SALL2: variants seen among roughly 807,000 people sequenced by gnomAD.
The protein encoded by SALL2 is spalt like transcription factor 2.
SALL2 carries 32 observed loss-of-function variants against 58.5 expected under a neutral mutation model. That is an observed-to-expected ratio of 0.55 (90% confidence interval 0.41 to 0.74). The LOEUF is 0.74. Ranked by LOEUF, SALL2 falls within the 30% of genes least tolerant of loss-of-function variation. The pLI is 0.00. For synonymous variants in SALL2, 516 were observed against 513.6 expected, an observed-to-expected ratio of 1.00 and a Z score of -0.06; for missense variants, 1,201 against 1,268.9, an observed-to-expected ratio of 0.95 and a Z score of 0.81.
At chr14:21,534,359 T>C (rs752297111) in intron 1 of SALL2, among the ~76,000 whole-genome samples, 1 of 152,170 alleles carries the variant, frequency 6.6e-6, no homozygotes, top group Non-Finnish European at 1.5e-5. Context: ...ACTGCTTCCT[T>C]GCTCCTTACA....
rs199504697 is a variant in SALL2 at position 21,525,683 on chromosome 14, G to A, written c.68-29C>T. On this transcript the variant is annotated intron_variant, in intron 1 of 1. Transcript: ENST00000537235. This position sits in a 1 kb window ranked among gnomAD's most constrained non-coding sequence, Gnocchi z 4.4. ...GGGAGAAGACAAGGAGAGAGAGCGT[G>A]GGTGGCGCAGTTGGGTTGGGTATAC... 1.9e-6 allele frequency: 3 copies of A among 1,539,936 alleles called. No homozygotes were observed. Among genetic ancestry groups the A allele is most frequent in the African/African-American group, 2.7e-5 (2 of 72,858 alleles).
chr14:21,521,917 C>A lies in SALL2; in HGVS notation c.*787G>T. On this transcript the variant is annotated 3_prime_UTR_variant, in exon 2 of 2. Coordinates refer to ENST00000537235, the MANE Select transcript of SALL2 (RefSeq NM_001364564.1). ...TCCTATGCCCTTCCTTCATTTCTCC[C>A]TACTTCCTAGGGTTGGGTCACCAAT... is the stretch of plus-strand genomic sequence containing the variant. 3.5e-6 allele frequency: 5 copies of A among 1,431,488 alleles called. No individual in the cohort carries two copies. Among genetic ancestry groups the A allele is most frequent in the Non-Finnish European group, 4.6e-6 (5 of 1,081,024 alleles). The allele number at this position is 1,431,488 out of a possible 1,614,324, so 88.7% of individuals were successfully genotyped here.
chr14:21,531,769 G>A (rs755721182), intron 1 of SALL2, among the ~76,000 whole-genome samples: 14 of 64,666 alleles, frequency 2.2e-4, no homozygotes, highest in Non-Finnish European at 3.7e-4. Flanking sequence ...TGCAATGGTC[G>A]CCCAGGCTGG....
chr14:21,526,575 A>C (rs1892322628), upstream of SALL2: 1 of 953,578 alleles, frequency 1.0e-6, no homozygotes, highest in Non-Finnish European at 1.3e-6. Context: ...GCCCAGGCCT[A>C]CCCTCCTCCC....
chr14:21,525,929 C>T lies in SALL2; in HGVS notation c.67+132G>A. On this transcript the variant is annotated intron_variant, in intron 1 of 1. Transcript: ENST00000537235. This position sits in a 1 kb window ranked among gnomAD's most constrained non-coding sequence, Gnocchi z 4.4. ...CCCTTCCCCAGGCCACAAGCGAGTT[C>T]ACGGAATAGGTGTGGGGACAGGGGC... 1 of 951,242 alleles carries T rather than the reference C, an allele frequency of 1.1e-6. No individual in the cohort carries two copies. Among genetic ancestry groups the T allele is most frequent in the Non-Finnish European group, 1.6e-6 (1 of 626,316 alleles). The allele number at this position is 951,242 out of a possible 1,614,324, so 58.9% of individuals were successfully genotyped here. A position where few individuals can be genotyped will look rare whatever the true frequency, so the allele number is the denominator to read the frequency against.
chr14:21,528,052 G>A (rs1397033325), upstream of SALL2, among the ~76,000 whole-genome samples: 1 of 151,764 alleles, frequency 6.6e-6, no homozygotes, highest in African/African-American at 2.4e-5. Context: ...CCAGGAGAAT[G>A]GCTTGAACCC....
upstream of SALL2, among the ~76,000 whole-genome samples, chr14:21,527,291 G>A (rs1288673656): frequency 2.6e-5 from 4 of 152,188 alleles, no homozygotes; most frequent in Non-Finnish European, 5.9e-5. Context: ...TGATTTGAAT[G>A]CTTAGAAATA....
chr14:21,523,086 G>T lies in SALL2; in HGVS notation c.2636C>A (p.Pro879Gln). Residue 879 changes from proline to glutamine, a missense_variant, in exon 2 of 2, where the codon CCA becomes CAA. By Grantham distance (76) the Pro-to-Gln change is moderately conservative. This residue lies in a region of SALL2 where 675 missense variants were observed against 683.8 expected (regional missense o/e 0.99). Transcript: ENST00000537235. The surrounding 1 kb of genome is among the most constrained non-coding windows in gnomAD (Gnocchi z 4.4). ...RSSSPASALT[P>Q]EGEATSVTLV... Reference sequence around the variant, plus strand: ...GGTCACGCTGGTGGCTTCCCCTTCTGGGGTGAGTGCTGATGCCGGACTTGA... The same window carrying T: ...GGTCACGCTGGTGGCTTCCCCTTCTTGGGTGAGTGCTGATGCCGGACTTGA... 6.2e-7 allele frequency: 1 copy of T among 1,614,114 alleles called. No individual in the cohort carries two copies. The highest frequency in any genetic ancestry group is 8.5e-7 in the Non-Finnish European group (1 of 1,180,014).
intron 1 of SALL2, chr14:21,536,700 T>C (rs1259101785): frequency 1.6e-6 from 1 of 615,316 alleles, no homozygotes; most frequent in Non-Finnish European, 2.9e-6. Context: ...AGGTCATCTC[T>C]TACTCCCTGC....
Position 21,524,069 on chromosome 14 carries a change from C to A in SALL2, c.1653G>T (p.Leu551Phe), listed in dbSNP as rs1566509115. Reference protein sequence around the residue: ...STATRMQLSKLVTSLPSWALL... With the variant: ...STATRMQLSKFVTSLPSWALL... Reference sequence around the variant, plus strand: ...GTGCCCAGCTTGGTAGTGAAGTCACCAACTTACTTAGTTGCATGCGAGTTG... The same window carrying A: ...GTGCCCAGCTTGGTAGTGAAGTCACAAACTTACTTAGTTGCATGCGAGTTG... The change falls in exon 2 of 2, where the codon TTG becomes TTT. Residue 551 changes from leucine to phenylalanine, a missense_variant. Around this residue, in one of 3 missense-constraint regions of SALL2, gnomAD observed 675 missense variants for 683.8 expected, o/e 0.99. Coordinates refer to ENST00000537235, the MANE Select transcript of SALL2 (RefSeq NM_001364564.1). The A allele has an allele frequency of 6.2e-7, 1 of 1,614,138 alleles. No individual in the cohort carries two copies. The highest frequency in any genetic ancestry group is 8.5e-7 in the Non-Finnish European group (1 of 1,179,990).
chr14:21,523,121 C>A lies in SALL2; in HGVS notation c.2601G>T (p.Pro867=). 6.2e-7 allele frequency: 1 copy of A among 1,614,194 alleles called. No homozygotes were observed. The highest frequency in any genetic ancestry group is 8.5e-7 in the Non-Finnish European group (1 of 1,180,018). The change falls in exon 2 of 2, where the codon CCG becomes CCT. Residue 867 remains proline (P), a synonymous_variant. Coordinates refer to ENST00000537235, the MANE Select transcript of SALL2 (RefSeq NM_001364564.1). This position sits in a 1 kb window ranked among gnomAD's most constrained non-coding sequence, Gnocchi z 4.4. Reference sequence around the variant, plus strand: ...CTGATGCCGGACTTGAGCTTCTCTCCGGTTTGCCCCCCTCTTCCTTGCCTC... The same window carrying A: ...CTGATGCCGGACTTGAGCTTCTCTCAGGTTTGCCCCCCTCTTCCTTGCCTC... ...VLGGKEEGGK[P]ERSSSPASAL... is the part of the protein sequence containing the mutation.
intron 1 of SALL2, among the ~76,000 whole-genome samples, chr14:21,533,356 A>G (rs1167885023): frequency 2.6e-5 from 4 of 152,176 alleles, no homozygotes; most frequent in South Asian, 2.1e-4. Context: ...AGAGCCCCCA[A>G]AACTCTACCT....
In SALL2 at chr14:21,524,269, T is replaced by C; in HGVS notation, c.1453A>G (p.Thr485Ala). The C allele has an allele frequency of 6.2e-7, 1 of 1,613,956 alleles. No homozygotes were observed. The highest frequency in any genetic ancestry group is 1.1e-5 in the South Asian group (1 of 91,044). Residue 485 changes from threonine to alanine, a missense_variant, in exon 2 of 2, where the codon ACA becomes GCA. By Grantham distance (58) the Thr-to-Ala change is moderately conservative. Around this residue, in one of 3 missense-constraint regions of SALL2, gnomAD observed 675 missense variants for 683.8 expected, o/e 0.99. Coordinates refer to ENST00000537235, the MANE Select transcript of SALL2 (RefSeq NM_001364564.1). ...GTGGAGAGCAGAGTCAGGCTCTCTG[T>C]GGCACTGAGTGCTGTTGTGGAGGCC... ...LVASTTALSA[T>A]ESLTLLSTSA...
chr14:21,523,488 C>G lies in SALL2; in HGVS notation c.2234G>C (p.Ser745Thr). Residue 745 changes from serine to threonine, a missense_variant, in exon 2 of 2, where the codon AGT (serine) becomes ACT (threonine). Physicochemically the swap from Ser to Thr is moderately conservative, Grantham distance 58. Transcript: ENST00000537235. This position sits in a 1 kb window ranked among gnomAD's most constrained non-coding sequence, Gnocchi z 4.4. ...SEQSTVSGAR[S>T]FPQQQSQQPS... ...CTGCTGGGACTGCTGCTGGGGGAAA[C>G]TCCGTGCCCCGGAGACTGTAGATTG... The G allele has an allele frequency of 1.2e-6, 2 of 1,614,218 alleles. No individual in the cohort carries two copies. The highest frequency in any genetic ancestry group is 8.5e-7 in the Non-Finnish European group (1 of 1,180,054).
upstream of SALL2, among the ~76,000 whole-genome samples, chr14:21,528,586 A>T (rs1489204710): frequency 6.6e-6 from 1 of 152,068 alleles, no homozygotes; most frequent in Non-Finnish European, 1.5e-5. Context: ...CTTACAAATG[A>T]GGGAGGGGGG....
At chr14:21,534,020 C>G (rs555944817) in intron 1 of SALL2, among the ~76,000 whole-genome samples, 37 of 152,128 alleles carry the variant, frequency 2.4e-4, no homozygotes, top group African/African-American at 8.4e-4. Context: ...AAGTCAGATG[C>G]CTGAAGATCA....
intron 1 of SALL2, among the ~76,000 whole-genome samples, chr14:21,533,241 A>T (rs1892511013): frequency 6.6e-6 from 1 of 151,966 alleles, no homozygotes; most frequent in Non-Finnish European, 1.5e-5. Flanking sequence ...GGACTGAGAT[A>T]CTCTCTATTC....
rs1384882092 is a variant in SALL2 at position 21,525,358 on chromosome 14, G to A, written c.364C>T (p.His122Tyr). The A allele has an allele frequency of 1.2e-6, 2 of 1,613,932 alleles. No homozygotes were observed. Among genetic ancestry groups the A allele is most frequent in the African/African-American group, 2.7e-5 (2 of 74,904 alleles). ...PERRGEESSGHFLVAATGTAA... is the reference protein window; with the variant it reads ...PERRGEESSGYFLVAATGTAA... ...GTACCTGTGGCAGCGACCAGGAAAT[G>A]CCCTGAAGACTCCTCTCCTCTCCTC... The change falls in exon 2 of 2, where the codon CAT becomes TAT. Residue 122 changes from histidine to tyrosine, a missense_variant. Physicochemically the swap from His to Tyr is moderately conservative, Grantham distance 83. Transcript: ENST00000537235. This position sits in a 1 kb window ranked among gnomAD's most constrained non-coding sequence, Gnocchi z 4.4.
At chr14:21,536,998 C>G (rs1272284436) in exon 1 of SALL2, 1 of 1,323,022 alleles carries the variant, frequency 7.6e-7, no homozygotes. Context: ...TCGTCTCCCC[C>G]TTGGGTCCGA....
Sources: allele counts gnomAD v4.1 joint callset (sites outside exome capture counted in the v4.1 genomes callset), GRCh38; gene constraint gnomAD v4.1.1; regional missense constraint gnomAD v4.1.1; non-coding constraint Gnocchi (gnomAD v3.1); transcripts MANE v1.5; gene names NCBI Gene and HGNC (gene_info 2026-07-23, HGNC 2026-07-21).